Variants in MKLN1 observed in about 807,000 individuals in gnomAD.
MKLN1 encodes the protein muskelin 1.
In MKLN1, 18 loss-of-function variants were observed where a neutral mutation model predicts 99.0. That is an observed-to-expected ratio of 0.18 (90% CI 0.13 to 0.27). The LOEUF (loss-of-function observed/expected upper bound fraction) is 0.27. Among genes scored for constraint, MKLN1 ranks in the 10% least tolerant of loss-of-function variants. The pLI is 1.00. For synonymous variants in MKLN1, 288 were observed against 293.2 expected (o/e 0.98, Z 0.18); for missense variants, 621 against 875.9 (o/e 0.71, Z 3.67).
chr7:131,233,472 G>C (rs1306650153), intron 3 of MKLN1, among the ~76,000 whole-genome samples: 1 of 151,702 alleles, frequency 6.6e-6, no homozygotes, highest in Admixed American at 6.6e-5. Context: ...TGCTGTCTTG[G>C]TGATACATAA....
At chr7:131,254,594 T>C (rs977423801) in intron 3 of MKLN1, among the ~76,000 whole-genome samples, 5 of 151,970 alleles carry the variant, frequency 3.3e-5, no homozygotes, top group Admixed American at 3.3e-4. Context: ...AATAAAGAAA[T>C]AGATTTTTTT....
At chr7:131,230,174 C>T (rs1046391073) in intron 3 of MKLN1, among the ~76,000 whole-genome samples, 1 of 152,080 alleles carries the variant, frequency 6.6e-6, no homozygotes, top group African/African-American at 2.4e-5. Flanking sequence ...ATCTTACTGC[C>T]ATAAAAAGTC....
At chr7:131,450,993 A>G (rs897273761) in intron 12 of MKLN1, among the ~76,000 whole-genome samples, 7 of 152,212 alleles carry the variant, frequency 4.6e-5, no homozygotes, top group African/African-American at 1.7e-4. Flanking sequence ...TTACTGAACT[A>G]AATTAGACTG....
At chr7:131,232,338 C>T (rs1021680197) in intron 3 of MKLN1, among the ~76,000 whole-genome samples, 1 of 152,064 alleles carries the variant, frequency 6.6e-6, no homozygotes, top group Non-Finnish European at 1.5e-5. Flanking sequence ...AATGTTAGCT[C>T]CTTTGCCACA....
chr7:131,190,601 T>C (rs1374733658), intron 2 of MKLN1, among the ~76,000 whole-genome samples: 1 of 152,154 alleles, frequency 6.6e-6, no homozygotes, highest in Non-Finnish European at 1.5e-5. Context: ...TTAACAATAA[T>C]TTATGATCAT....
chr7:131,307,081 C>T (rs1798478438), intron 3 of MKLN1, among the ~76,000 whole-genome samples: 2 of 152,064 alleles, frequency 1.3e-5, no homozygotes, highest in Admixed American at 6.5e-5. Flanking sequence ...GCCACAACTA[C>T]AGCTCCAGTT....
At chr7:131,112,267 G>A (rs1012744397) in intron 1 of MKLN1, among the ~76,000 whole-genome samples, 2 of 152,192 alleles carry the variant, frequency 1.3e-5, no homozygotes, top group Non-Finnish European at 1.5e-5. Flanking sequence ...GATTTCTAAG[G>A]TTCCTCCCAT....
chr7:131,468,821 A>G (rs895108876), intron 15 of MKLN1, among the ~76,000 whole-genome samples: 16 of 152,300 alleles, frequency 1.1e-4, no homozygotes, highest in African/African-American at 3.6e-4. Flanking sequence ...CTTTCAGGAC[A>G]CTGATCTCTT....
intron 2 of MKLN1, among the ~76,000 whole-genome samples, chr7:131,183,682 A>G (rs546003002): frequency 1.2e-4 from 19 of 152,336 alleles, no homozygotes; most frequent in South Asian, 1.0e-3. Flanking sequence ...GTGCCTGAGA[A>G]TAGTGGTCAA....
At chr7:131,475,171 A>C (rs1452337062) in intron 16 of MKLN1, among the ~76,000 whole-genome samples, 6 of 152,222 alleles carry the variant, frequency 3.9e-5, no homozygotes, top group Non-Finnish European at 8.8e-5. Flanking sequence ...TCACAAATGA[A>C]AAGAGGGCAT....
rs1797032172 is a variant in MKLN1 at position 131,478,611 on chromosome 7, T to TTC, written c.2032-11_2032-10insCT. 6.4e-6 allele frequency: 9 copies of TTC among 1,414,380 alleles called. No homozygotes were observed. The African/African-American group carries it at 7.3e-5, about 12-fold the overall frequency. The allele number at this position is 1,414,380 out of a possible 1,614,324, so 87.6% of individuals were successfully genotyped here. ...TTGCTGCTTCTTTTTTTTTTTTTTT[T>TTC]TTTTTAAACAGTTTCAGCTCCTGGC... On this transcript the variant is annotated splice_polypyrimidine_tract_variant and intron_variant, in intron 16 of 17. Coordinates refer to ENST00000352689, the MANE Select transcript of MKLN1 (RefSeq NM_013255.5).
chr7:131,152,013 A>G (rs1303598313), intron 2 of MKLN1, among the ~76,000 whole-genome samples: 1 of 152,168 alleles, frequency 6.6e-6, no homozygotes. Context: ...TCCAGATATT[A>G]TATTATTTCA....
At chr7:131,145,220 T>A (rs2116270776) in intron 2 of MKLN1, among the ~76,000 whole-genome samples, 1 of 152,236 alleles carries the variant, frequency 6.6e-6, no homozygotes, top group Non-Finnish European at 1.5e-5. Context: ...CAAAATGTAA[T>A]AATGAATCAT....
intron 2 of MKLN1, among the ~76,000 whole-genome samples, chr7:131,168,409 A>G (rs1330258802): frequency 6.6e-6 from 1 of 152,202 alleles, no homozygotes; most frequent in Admixed American, 6.5e-5. Flanking sequence ...CTTTAAAAAA[A>G]AGCCACACAA....
intron 3 of MKLN1, among the ~76,000 whole-genome samples, chr7:131,219,914 T>A (rs1386904408): frequency 6.6e-6 from 1 of 152,226 alleles, no homozygotes; most frequent in East Asian, 1.9e-4. Flanking sequence ...TCCTTCCTTC[T>A]TCCTGCCACC....
intron 3 of MKLN1, among the ~76,000 whole-genome samples, chr7:131,214,190 C>T (rs774955849): frequency 4.6e-5 from 7 of 152,086 alleles, no homozygotes; most frequent in African/African-American, 7.3e-5. Flanking sequence ...GCCCAGCCCT[C>T]GTTCTCCTTT....
intron 2 of MKLN1, among the ~76,000 whole-genome samples, chr7:131,199,164 A>G (rs1196761417): frequency 1.3e-5 from 2 of 151,986 alleles, no homozygotes; most frequent in African/African-American, 2.4e-5. Flanking sequence ...AAGGAAACAT[A>G]TCTTATGTTT....
chr7:131,318,411 A>G (rs1282166229), intron 3 of MKLN1, among the ~76,000 whole-genome samples: 4 of 152,240 alleles, frequency 2.6e-5, no homozygotes. Context: ...ACCAATGAGA[A>G]CAAAAAGACA....
At chr7:131,406,141 G>T (rs1253490944) in intron 6 of MKLN1, among the ~76,000 whole-genome samples, 1 of 151,834 alleles carries the variant, frequency 6.6e-6, no homozygotes, top group Non-Finnish European at 1.5e-5. Context: ...TTATTATGAA[G>T]TGCCTTTTTA....
Sources: allele counts gnomAD v4.1 joint callset (sites outside exome capture counted in the v4.1 genomes callset), GRCh38; gene constraint gnomAD v4.1.1; transcripts MANE v1.5; gene names NCBI Gene and HGNC (gene_info 2026-07-23, HGNC 2026-07-21).